Variants in ADCY9 observed in about 807,000 individuals in gnomAD.
The protein encoded by ADCY9 is adenylate cyclase type 9.
Under a neutral mutation model 101.5 loss-of-function variants are expected in ADCY9, and 50 were observed. The ratio of observed to expected loss-of-function variants is 0.49; its 90% CI spans 0.39 to 0.62. ADCY9 has a LOEUF of 0.62. ADCY9 is among the 20% of genes least tolerant of loss of function. The probability of loss-of-function intolerance (pLI) is 0.00; values close to 1 mark genes in which losing one functional copy is unlikely to be tolerated. For synonymous variants in ADCY9, 905 were observed against 769.3 expected, an observed-to-expected ratio of 1.18 and a Z score of -2.92; for missense variants, 1,662 against 1,800.4, an observed-to-expected ratio of 0.92 and a Z score of 1.39.
At chr16:4,057,068 C>T (rs1400774520) in intron 2 of ADCY9, among the ~76,000 whole-genome samples, 1 of 132,306 alleles carries the variant, frequency 7.6e-6, no homozygotes, top group Non-Finnish European at 1.6e-5. Flanking sequence ...TCTTACTCTT[C>T]TGTTATTTCA....
At chr16:4,023,787 G>A (rs1439077705) in intron 2 of ADCY9, among the ~76,000 whole-genome samples, 1 of 152,012 alleles carries the variant, frequency 6.6e-6, no homozygotes, top group Non-Finnish European at 1.5e-5. Flanking sequence ...GTACATGCCT[G>A]TGATCCCAGC....
At position 4,114,515 on chromosome 16, in the gene ADCY9, A is replaced by C; in HGVS notation, c.928T>G (p.Phe310Val). The change falls in exon 2 of 11, where the codon TTC becomes GTC. Residue 310 changes from phenylalanine to valine, a missense_variant. Physicochemically the swap from Phe to Val is conservative, Grantham distance 50. Around this residue, in one of 5 missense-constraint regions of ADCY9, gnomAD observed 228 missense variants for 301.1 expected, o/e 0.76. Coordinates refer to ENST00000294016, the MANE Select transcript of ADCY9 (RefSeq NM_001116.4). The surrounding 1 kb of genome is among the most constrained non-coding windows in gnomAD (Gnocchi z 4.3). Reference sequence around the variant, plus strand: ...ATAATGGATTGCCCCACCTTGAGGAAGGTGCTCCTGGACCTCACCTGGGAC... The same window carrying C: ...ATAATGGATTGCCCCACCTTGAGGACGGTGCTCCTGGACCTCACCTGGGAC... ...VMSQVRSRST[F>V]LKVGQSIMHG... 6.2e-7 allele frequency: 1 copy of C among 1,614,164 alleles called. No individual in the cohort carries two copies. Among genetic ancestry groups the C allele is most frequent in the Non-Finnish European group, 8.5e-7 (1 of 1,180,024 alleles).
chr16:3,977,726 CTTT>C, intron 8 of ADCY9, 96 bp from the exon 9 acceptor site: 1 of 1,090,906 alleles, frequency 9.2e-7, no homozygotes, highest in Non-Finnish European at 1.2e-6. Flanking sequence ...TCCATGTTTC[CTTT>C]TTTTTTTGAC....
At chr16:3,996,402 A>G (rs2056287195) in intron 3 of ADCY9, among the ~76,000 whole-genome samples, 1 of 152,226 alleles carries the variant, frequency 6.6e-6, no homozygotes, top group Non-Finnish European at 1.5e-5. Context: ...ATATTTGCCA[A>G]TGAGACCACT....
chr16:3,962,039 T>TAAA (rs34916596), downstream of ADCY9, among the ~76,000 whole-genome samples: 3 of 149,682 alleles, frequency 2.0e-5, no homozygotes, highest in East Asian at 2.0e-4. Flanking sequence ...AAATAAAAAT[T>TAAA]AAAAAAAAAA....
chr16:3,971,038 C>T (rs1215930725), intron 10 of ADCY9, among the ~76,000 whole-genome samples: 1 of 152,086 alleles, frequency 6.6e-6, no homozygotes, highest in African/African-American at 2.4e-5. Context: ...GCGGCTCACA[C>T]TGCCTACACT....
intron 3 of ADCY9, among the ~76,000 whole-genome samples, chr16:3,997,679 G>A (rs975657344): frequency 1.3e-5 from 2 of 152,238 alleles, no homozygotes; most frequent in South Asian, 4.1e-4. Flanking sequence ...GTTTGTCCGG[G>A]AAGTGGGAGT....
chr16:3,960,173 G>A (rs1178835463), downstream of ADCY9, among the ~76,000 whole-genome samples: 4 of 152,080 alleles, frequency 2.6e-5, no homozygotes, highest in Admixed American at 1.3e-4. Flanking sequence ...TCTGGTTACC[G>A]TGGATCAGGG....
chr16:3,989,442 G>A (rs902664821), intron 5 of ADCY9, among the ~76,000 whole-genome samples: 8 of 151,838 alleles, frequency 5.3e-5, no homozygotes, highest in Non-Finnish European at 1.0e-4. Flanking sequence ...ATGGCGCAGC[G>A]ATCTTGGCTC....
In ADCY9 at chr16:4,114,655, A is replaced by C; in HGVS notation, c.788T>G (p.Phe263Cys). 1 of 1,613,398 alleles carries C rather than the reference A, an allele frequency of 6.2e-7. No homozygotes were observed. Among genetic ancestry groups the C allele is most frequent in the Non-Finnish European group, 8.5e-7 (1 of 1,180,036 alleles). The change falls in exon 2 of 11, where the codon TTC becomes TGC. Residue 263 changes from phenylalanine to cysteine, a missense_variant. Phe to Cys is a radical substitution (Grantham distance 205). This residue lies in a region of ADCY9 where 422 missense variants were observed against 392.0 expected (regional missense o/e 1.08). Transcript: ENST00000294016. This position sits in a 1 kb window ranked among gnomAD's most constrained non-coding sequence, Gnocchi z 4.3. ...CGAGGGGAAGCAGGCTTCATCCCGG[A>C]AATGGTAGCCAAAGGTCTCGAAAAG... is the stretch of plus-strand genomic sequence containing the variant. ...SVLFETFGYHFRDEACFPSPG... is the reference protein window; with the variant it reads ...SVLFETFGYHCRDEACFPSPG...
At position 3,965,819 on chromosome 16, in the gene ADCY9, C is replaced by T. The variant is rs1402943117; in HGVS notation, c.4018G>A (p.Glu1340Lys). Residue 1340 changes from glutamate (E) to lysine (K), a missense_variant, in exon 11 of 11, where the codon GAA becomes AAA. By Grantham distance (56) the Glu-to-Lys change is moderately conservative. Coordinates refer to ENST00000294016, the MANE Select transcript of ADCY9 (RefSeq NM_001116.4). ...TTGAGCTTGGTGAGTTCGTTGGCTT[C>T]TTCTATTCCTGTTTCGTCACAGTCG... ...KDDCDETGIEEANELTKLNVS... is the reference protein window; with the variant it reads ...KDDCDETGIEKANELTKLNVS... 1.2e-6 allele frequency: 2 copies of T among 1,613,978 alleles called. No individual in the cohort carries two copies. Among genetic ancestry groups the T allele is most frequent in the Non-Finnish European group, 1.7e-6 (2 of 1,180,026 alleles).
Position 3,992,840 on chromosome 16 carries a change from T to C in ADCY9, c.1990-477A>G, listed in dbSNP as rs1255588047. Among the ~76,000 whole-genome samples the C allele has an allele frequency of 6.6e-6, 1 of 151,920 alleles. No homozygotes were observed. Among genetic ancestry groups the C allele is most frequent in the Non-Finnish European group, 1.5e-5 (1 of 67,942 alleles). ...TGTCCCCCGTGGCTGTGGGAAGGCA[T>C]GGGATGACCTGCACCTGCAATCCTT... On this transcript the variant is annotated intron_variant, in intron 4 of 10. Transcript: ENST00000294016. The surrounding 1 kb of genome is among the most constrained non-coding windows in gnomAD (Gnocchi z 4.2).
chr16:4,067,251 A>C (rs2056806182), intron 2 of ADCY9, among the ~76,000 whole-genome samples: 1 of 152,246 alleles, frequency 6.6e-6, no homozygotes, highest in Non-Finnish European at 1.5e-5. Flanking sequence ...ACCAGCTCAC[A>C]AGGGTAGTAA....
rs2055961129 is a variant in ADCY9, at chr16:3,963,727, G to A, written c.*2048C>T. The A allele has an allele frequency of 4.7e-6, 1 of 213,010 alleles. No homozygotes were observed. The highest frequency in any genetic ancestry group is 1.9e-4 in the South Asian group (1 of 5,344). The allele number at this position is 213,010 out of a possible 1,614,324, so 13.2% of individuals were successfully genotyped here. A position where few individuals can be genotyped will look rare whatever the true frequency, so the allele number is the denominator to read the frequency against. On this transcript the variant is annotated 3_prime_UTR_variant, in exon 11 of 11. Coordinates refer to ENST00000294016, the MANE Select transcript of ADCY9 (RefSeq NM_001116.4). Reference sequence around the variant, plus strand: ...CAGCCCCTCAAAGCTACACAGCCTGGAGGGGAAAGGGGAGGGGAGGACATT... The same window carrying A: ...CAGCCCCTCAAAGCTACACAGCCTGAAGGGGAAAGGGGAGGGGAGGACATT...
chr16:4,044,264 T>C (rs1440512710), intron 2 of ADCY9, among the ~76,000 whole-genome samples: 2 of 152,118 alleles, frequency 1.3e-5, no homozygotes, highest in South Asian at 2.1e-4. Flanking sequence ...GGAGAATCGC[T>C]TGAACCCAGG....
chr16:4,035,998 C>CAA (rs55792873), intron 2 of ADCY9, among the ~76,000 whole-genome samples: 7,731 of 23,108 alleles, frequency 0.33, 2,663 homozygotes, highest in South Asian at 0.52. Context: ...AACTCCATCT[C>CAA]AAAAAAAAAA....
chr16:3,983,443 G>C lies in ADCY9; in HGVS notation c.2311-3C>G. On this transcript the variant is annotated splice_region_variant and splice_polypyrimidine_tract_variant and intron_variant, in intron 6 of 10. Coordinates refer to ENST00000294016, the MANE Select transcript of ADCY9 (RefSeq NM_001116.4). ...TTCACGGGGGAGTTCTTTATGACCT[G>C]TGTGGAGCAGGAGTGGAGCAGAATG... The C allele has an allele frequency of 6.3e-7, 1 of 1,596,046 alleles. No individual in the cohort carries two copies.
intron 5 of ADCY9, among the ~76,000 whole-genome samples, chr16:3,989,605 C>A (rs921945968): frequency 3.9e-5 from 6 of 152,206 alleles, no homozygotes; most frequent in Non-Finnish European, 8.8e-5. Context: ...GTCTCGAACT[C>A]CTGGGCTCAA....
chr16:4,062,002 A>G (rs1431115668), intron 2 of ADCY9, among the ~76,000 whole-genome samples: 1 of 152,226 alleles, frequency 6.6e-6, no homozygotes, highest in Non-Finnish European at 1.5e-5. Context: ...ATTTTATTGA[A>G]AATGAATTAG....
Sources: gnomAD v4.1 joint callset for allele counts (sites outside exome capture counted in the v4.1 genomes callset) on GRCh38, gnomAD v4.1.1 for gene constraint, gnomAD v4.1.1 regional missense constraint, Gnocchi (gnomAD v3.1) non-coding constraint, MANE v1.5 for transcripts, NCBI Gene and HGNC (gene_info 2026-07-23, HGNC 2026-07-21) for gene names.